ME3: variants seen among roughly 807,000 people sequenced by gnomAD.
The protein encoded by ME3 is malic enzyme 3, also known as NADP-dependent malic enzyme, mitochondrial.
A neutral mutation model predicts 68.9 loss-of-function variants in ME3; 48 were observed. That is an observed-to-expected ratio of 0.70 (90% CI 0.55 to 0.89). The LOEUF (loss-of-function observed/expected upper bound fraction) is 0.89, where lower values mean the gene tolerates loss of function less well. Among genes scored for constraint, ME3 ranks in the 40% least tolerant of loss-of-function variants. The probability of loss-of-function intolerance (pLI) is 0.00; values close to 1 mark genes in which losing one functional copy is unlikely to be tolerated. For missense variants in ME3, 675 were observed against 797.4 expected (o/e 0.85, Z 1.85); for synonymous variants, 320 against 318.8 (o/e 1.00, Z -0.04).
intron 5 of ME3, among the ~76,000 whole-genome samples, chr11:86,505,864 G>A (rs1182623538): frequency 6.6e-6 from 1 of 152,178 alleles, no homozygotes; most frequent in African/African-American, 2.4e-5. Flanking sequence ...ATAAAGGATG[G>A]AGGTGGTCCC....
chr11:86,656,438 G>A lies in ME3; in HGVS notation c.183+15324C>T, dbSNP rs145152588. 4.4e-3 allele frequency among the ~76,000 whole-genome samples: 663 copies of A among 152,204 alleles called. 22 individuals carry two copies. The East Asian group carries it at 0.084, about 19-fold the overall frequency. ...GCAGCCATAAAAATGATGAGTTCAT[G>A]TCCTTTATAGGGACATAGATCAAAC... On this transcript the variant is annotated intron_variant, in intron 2 of 14. Transcript: ENST00000543262.
At chr11:86,547,537 G>A (rs933529821) in intron 4 of ME3, among the ~76,000 whole-genome samples, 2 of 152,012 alleles carry the variant, frequency 1.3e-5, no homozygotes, top group Non-Finnish European at 2.9e-5. Flanking sequence ...TGTAGATGAC[G>A]GGTTGATGGG....
intron 14 of ME3, among the ~76,000 whole-genome samples, 186 bp from the exon 15 acceptor site, chr11:86,441,626 A>G (rs569287116): frequency 5.3e-5 from 8 of 152,290 alleles, no homozygotes; most frequent in African/African-American, 1.9e-4. Flanking sequence ...GGCAGCTTTA[A>G]CATAGTGGAA....
chr11:86,652,669 G>C (rs1945537518), intron 2 of ME3, among the ~76,000 whole-genome samples: 2 of 151,424 alleles, frequency 1.3e-5, no homozygotes, highest in Non-Finnish European at 3.0e-5. Context: ...ATCCACGCTA[G>C]GAAGAAACTG....
intron 2 of ME3, among the ~76,000 whole-genome samples, chr11:86,671,418 G>A (rs919343262): frequency 1.1e-4 from 16 of 152,162 alleles, no homozygotes; most frequent in African/African-American, 3.9e-4. Flanking sequence ...AGGAAACCTA[G>A]GCTCATGTAG....
intron 2 of ME3, among the ~76,000 whole-genome samples, chr11:86,653,963 AACACCTCTAC>A (rs1945666950): frequency 6.6e-6 from 1 of 152,220 alleles, no homozygotes; most frequent in Non-Finnish European, 1.5e-5. Context: ...GAATACTATA[AACACCTCTAC>A]ACAAATAAAC....
intron 2 of ME3, among the ~76,000 whole-genome samples, chr11:86,591,237 G>A (rs1959037783): frequency 6.6e-6 from 1 of 152,144 alleles, no homozygotes; most frequent in African/African-American, 2.4e-5. Flanking sequence ...TTAGAGTTTG[G>A]AATATAGCAA....
chr11:86,481,831 A>G (rs982525292), intron 7 of ME3, among the ~76,000 whole-genome samples: 1 of 152,160 alleles, frequency 6.6e-6, no homozygotes, highest in Non-Finnish European at 1.5e-5. Context: ...GGCTCCTCAC[A>G]GCTCCAAAGG....
intron 2 of ME3, among the ~76,000 whole-genome samples, chr11:86,560,728 G>A (rs59218071): frequency 0.014 from 1,358 of 97,882 alleles, 28 homozygotes; most frequent in African/African-American, 0.043. Context: ...GTGTGTGTAT[G>A]TGTGTGTGTG....
intron 2 of ME3, among the ~76,000 whole-genome samples, chr11:86,632,462 T>C (rs1011283424): frequency 1.3e-5 from 2 of 152,190 alleles, no homozygotes; most frequent in African/African-American, 4.8e-5. Context: ...ATTCTTTTAC[T>C]TTAGCAGGGT....
chr11:86,481,998 A>G (rs1354839509), intron 7 of ME3, among the ~76,000 whole-genome samples: 1 of 152,212 alleles, frequency 6.6e-6, no homozygotes, highest in Non-Finnish European at 1.5e-5. Flanking sequence ...CCTCCTTGCC[A>G]TTCTTACCAA....
chr11:86,442,931 G>C lies in ME3; in HGVS notation c.1555-12C>G, dbSNP rs765843309. 4 of 1,592,766 alleles carry C rather than the reference G, an allele frequency of 2.5e-6. No homozygotes were observed. The African/African-American group carries it at 5.4e-5, about 21-fold the overall frequency. ...TCCTGGGCAATTTGCTGGGGAGAAG[G>C]AGAGAACCGAGAGGAATAAGCTGAG... On this transcript the variant is annotated splice_polypyrimidine_tract_variant and intron_variant, in intron 13 of 14. Transcript: ENST00000543262.
chr11:86,498,777 T>C (rs529919316), intron 5 of ME3, among the ~76,000 whole-genome samples: 2 of 152,352 alleles, frequency 1.3e-5, no homozygotes, highest in African/African-American at 4.8e-5. Flanking sequence ...TTAATAGATA[T>C]GAATGAAGCT....
intron 2 of ME3, among the ~76,000 whole-genome samples, chr11:86,608,010 A>G (rs750040456): frequency 2.6e-5 from 4 of 152,088 alleles, no homozygotes; most frequent in Admixed American, 2.6e-4. Context: ...GCACCAGGCT[A>G]CTGTTTGGGG....
At chr11:86,639,008 G>T (rs1438938458) in intron 2 of ME3, among the ~76,000 whole-genome samples, 2 of 152,082 alleles carry the variant, frequency 1.3e-5, no homozygotes, top group Non-Finnish European at 2.9e-5. Context: ...AGGAGCCTTG[G>T]GTTATCAACT....
chr11:86,623,931 T>C (rs1045451935), intron 2 of ME3, among the ~76,000 whole-genome samples: 1 of 152,150 alleles, frequency 6.6e-6, no homozygotes, highest in African/African-American at 2.4e-5. Flanking sequence ...CCCACACACA[T>C]ATGCCCACTC....
chr11:86,640,486 A>G (rs960563561), intron 2 of ME3, among the ~76,000 whole-genome samples: 2 of 152,198 alleles, frequency 1.3e-5, no homozygotes, highest in African/African-American at 4.8e-5. Context: ...TGACTAACAC[A>G]TGCTCAGAAC....
At chr11:86,537,340 A>G (rs1248120005) in intron 4 of ME3, among the ~76,000 whole-genome samples, 1 of 151,250 alleles carries the variant, frequency 6.6e-6, no homozygotes, top group Admixed American at 6.6e-5. Flanking sequence ...ATAATATTAA[A>G]TATGCATTAA....
intron 2 of ME3, among the ~76,000 whole-genome samples, chr11:86,615,665 G>A (rs1942906937): frequency 6.6e-6 from 1 of 152,156 alleles, no homozygotes; most frequent in Non-Finnish European, 1.5e-5. Context: ...TGGGGGTGTT[G>A]GTGGTGGTGT....
Sources: allele counts gnomAD v4.1 joint callset (sites outside exome capture counted in the v4.1 genomes callset), GRCh38; gene constraint gnomAD v4.1.1; transcripts MANE v1.5; gene names NCBI Gene and HGNC (gene_info 2026-07-23, HGNC 2026-07-21).